Variants in GRIA3 observed in about 807,000 individuals in gnomAD.
GRIA3 encodes glutamate receptor 3.
GRIA3 carries 3 observed loss-of-function variants against 63.0 expected under a neutral mutation model. The ratio of observed to expected loss-of-function variants is 0.05; its 90% CI spans 0.02 to 0.12. The LOEUF (loss-of-function observed/expected upper bound fraction) is 0.12, where lower values mean the gene tolerates loss of function less well. GRIA3 is among the 10% of genes least tolerant of loss of function. The pLI, the probability that GRIA3 is intolerant of heterozygous loss-of-function variation, is 1.00. For synonymous variants in GRIA3, 274 were observed against 257.9 expected (o/e 1.06, Z -0.60); for missense variants, 347 against 700.9 (o/e 0.50, Z 5.70).
At chrX:123,369,820 T>G (rs758452741) in intron 5 of GRIA3, among the ~76,000 whole-genome samples, 1 of 111,918 alleles carries the variant, frequency 8.9e-6, no homozygotes, top group Non-Finnish European at 1.9e-5. Context: ...ATATCCAAAC[T>G]TGAGGTCAGT....
rs750876432 is a variant in GRIA3, at chrX:123,409,252, G to A, written c.1500+4338G>A. On this transcript the variant is annotated intron_variant, in intron 10 of 15. Transcript: ENST00000620443. ...TTTAGTATGTAAAACAGAGCAGAGT[G>A]GAAAGAATGAAAAAAATCAGAGATG... 5.4e-5 allele frequency among the ~76,000 whole-genome samples: 6 copies of A among 111,965 alleles called. No homozygotes were observed. The South Asian group carries it at 1.9e-3, about 35-fold the overall frequency.
chrX:123,214,400 G>T (rs1386932532), intron 2 of GRIA3, among the ~76,000 whole-genome samples: 1 of 111,304 alleles, frequency 9.0e-6, no homozygotes, highest in Non-Finnish European at 1.9e-5. Flanking sequence ...AGCCTTTAAA[G>T]TTCCCTATAT....
chrX:123,415,786 G>T (rs2045533533), intron 10 of GRIA3, among the ~76,000 whole-genome samples: 1 of 111,894 alleles, frequency 8.9e-6, no homozygotes, highest in South Asian at 3.8e-4. Flanking sequence ...CTCCATGCAG[G>T]TAAGTATTTT....
At position 123,290,586 on chromosome X, in the gene GRIA3, CTGTGTGTGTGTGTG is replaced by C. The variant is rs761564682; in HGVS notation, c.509-35410_509-35397del. ...TCTCTTGCTCCCTCTCCTCAAAGGA[CTGTGTGTGTGTGTG>C]TGTGTGTGTGTGTGTGTGTGTGTGT... On this transcript the variant is annotated intron_variant, in intron 3 of 15. Transcript: ENST00000620443. Among the ~76,000 whole-genome samples the C allele has an allele frequency of 3.7e-3, 336 of 90,192 alleles. 2 individuals are homozygous for C. The highest frequency in any genetic ancestry group is 0.012 in the African/African-American group (299 of 24,829). 78.3% of individuals were successfully genotyped at this position (90,192 alleles called of 115,157 possible).
intron 5 of GRIA3, among the ~76,000 whole-genome samples, chrX:123,375,077 T>C (rs143481652): frequency 1.2e-3 from 133 of 111,875 alleles, no homozygotes; most frequent in African/African-American, 4.1e-3. Flanking sequence ...TGTGGGACTG[T>C]CATATGGCTT....
chrX:123,197,907 T>A (rs1927617745), intron 2 of GRIA3, among the ~76,000 whole-genome samples: 2 of 111,913 alleles, frequency 1.8e-5, no homozygotes, highest in South Asian at 3.8e-4. Context: ...TTAAATAAAA[T>A]AATTCACAAA....
chrX:123,218,635 T>C (rs1234475837), intron 2 of GRIA3, among the ~76,000 whole-genome samples: 1 of 111,307 alleles, frequency 9.0e-6, no homozygotes, highest in Admixed American at 9.5e-5. Context: ...TTAATGAGAC[T>C]TCTCTGGAGA....
intron 2 of GRIA3, among the ~76,000 whole-genome samples, chrX:123,201,217 G>C (rs893353021): frequency 1.8e-5 from 2 of 112,049 alleles, no homozygotes; most frequent in African/African-American, 6.5e-5. Flanking sequence ...CCTTGCATGA[G>C]TTATTTTAGT....
intron 6 of GRIA3, among the ~76,000 whole-genome samples, chrX:123,396,199 A>AAATAAT (rs10528905): frequency 0.059 from 5,050 of 85,858 alleles, 292 homozygotes; most frequent in African/African-American, 0.15. Flanking sequence ...CTCCATCTCA[A>AAATAAT]AATAATAATA....
intron 5 of GRIA3, among the ~76,000 whole-genome samples, chrX:123,367,227 T>C (rs2147358202): frequency 9.0e-6 from 1 of 111,604 alleles, no homozygotes; most frequent in South Asian, 3.8e-4. Context: ...AAAGGAACCA[T>C]TGTTTCTCGC....
intron 6 of GRIA3, among the ~76,000 whole-genome samples, chrX:123,398,136 G>A (rs1205586423): frequency 1.8e-5 from 2 of 111,763 alleles, no homozygotes; most frequent in African/African-American, 3.3e-5. Flanking sequence ...GTCCCACCTC[G>A]CCAGAAACAT....
At chrX:123,478,050 C>G (rs771943044) in intron 13 of GRIA3, among the ~76,000 whole-genome samples, 17 of 111,732 alleles carry the variant, frequency 1.5e-4, no homozygotes, top group Non-Finnish European at 3.2e-4. Flanking sequence ...AAGCATCTTC[C>G]CCTGTATCCT....
chrX:123,465,860 G>T, intron 13 of GRIA3: 1 of 749,411 alleles, frequency 1.3e-6, no homozygotes, highest in East Asian at 3.2e-5. Context: ...TCTTATTATT[G>T]AGGAGAGAGC....
intron 3 of GRIA3, among the ~76,000 whole-genome samples, chrX:123,309,873 C>T (rs772806149): frequency 9.0e-6 from 1 of 111,656 alleles, no homozygotes; most frequent in South Asian, 3.8e-4. Context: ...CTATCCCTGC[C>T]CACCTAGGCA....
At chrX:123,302,002 C>T (rs6608076) in intron 3 of GRIA3, among the ~76,000 whole-genome samples, 8,230 of 111,847 alleles carry the variant, frequency 0.074, 380 homozygotes, top group East Asian at 0.33. Flanking sequence ...GCCTGGATAA[C>T]TTCGTGACCA....
At chrX:123,409,200 T>C (rs2045492727) in intron 10 of GRIA3, among the ~76,000 whole-genome samples, 1 of 111,987 alleles carries the variant, frequency 8.9e-6, no homozygotes, top group Admixed American at 9.5e-5. Flanking sequence ...AGGCACTGCT[T>C]TATCTTAAGG....
chrX:123,355,651 A>C (rs1054943014), intron 5 of GRIA3, among the ~76,000 whole-genome samples: 4 of 111,948 alleles, frequency 3.6e-5, no homozygotes, highest in Admixed American at 1.9e-4. Context: ...CCATGAAATG[A>C]AAGAGAAATG....
chrX:123,354,761 C>T (rs772141540), intron 4 of GRIA3, 149 bp from the exon 5 acceptor site: 36 of 516,537 alleles, frequency 7.0e-5, no homozygotes, highest in African/African-American at 6.0e-4. Flanking sequence ...TAGTTGAAAG[C>T]GAAATGCAAC....
intron 11 of GRIA3, among the ~76,000 whole-genome samples, chrX:123,420,916 ATT>A (rs917375016): frequency 9.0e-6 from 1 of 110,828 alleles, no homozygotes; most frequent in East Asian, 2.8e-4. Context: ...GGCTTTCAAA[ATT>A]TTTTTTACCA....
Sources: allele counts gnomAD v4.1 joint callset (sites outside exome capture counted in the v4.1 genomes callset), GRCh38; gene constraint gnomAD v4.1.1; transcripts MANE v1.5; gene names NCBI Gene and HGNC (gene_info 2026-07-23, HGNC 2026-07-21).